Variants in BPTF observed in about 807,000 individuals in gnomAD.
BPTF encodes bromodomain PHD finger transcription factor, also known as nucleosome-remodeling factor subunit BPTF.
BPTF carries 18 observed loss-of-function variants against 292.5 expected under a neutral mutation model. That is an observed-to-expected ratio of 0.06 (90% CI 0.04 to 0.09). The LOEUF is 0.09. BPTF is among the 10% of genes least tolerant of loss of function. The pLI is 1.00. For synonymous variants in BPTF, 1,225 were observed against 1,251.9 expected (o/e 0.98, Z 0.45); for missense variants, 2,726 against 3,498.7 (o/e 0.78, Z 5.57).
intron 4 of BPTF, among the ~76,000 whole-genome samples, chr17:67,876,089 G>A (rs1400089798): frequency 6.6e-6 from 1 of 152,088 alleles, no homozygotes; most frequent in Non-Finnish European, 1.5e-5. Flanking sequence ...GACCTTTCCA[G>A]TTCTGTAGAT....
chr17:67,908,695 G>A (rs1443212953), intron 9 of BPTF, among the ~76,000 whole-genome samples: 3 of 149,362 alleles, frequency 2.0e-5, no homozygotes, highest in Non-Finnish European at 4.4e-5. Context: ...TCACCATGTT[G>A]GCTAGGCTGG....
intron 13 of BPTF, among the ~76,000 whole-genome samples, chr17:67,921,209 C>CAAAAA (rs60707445): frequency 2.0e-5 from 1 of 49,226 alleles, no homozygotes; most frequent in Admixed American, 2.8e-4. Context: ...GAATCCGTGT[C>CAAAAA]AAAAAAAAAA....
intron 4 of BPTF, among the ~76,000 whole-genome samples, chr17:67,879,387 G>A (rs947834231): frequency 2.0e-5 from 3 of 151,964 alleles, no homozygotes; most frequent in South Asian, 2.1e-4. Context: ...TGATCCACCC[G>A]CCTCAGCCTC....
At position 67,854,861 on chromosome 17, in the gene BPTF, C is replaced by A. The variant is rs561871540; in HGVS notation, c.1436+99C>A. The A allele has an allele frequency of 2.0e-5, 16 of 791,222 alleles. No homozygotes were observed. The East Asian group carries it at 2.4e-4, about 12-fold the overall frequency. 49.0% of individuals were successfully genotyped at this position (791,222 alleles called of 1,614,324 possible). ...AGCTATGCTGTTGATGTGGTATAAACCTTTGTAACTTAATAGTTATACAGT... is the reference window on the plus strand; with the variant it reads ...AGCTATGCTGTTGATGTGGTATAAAACTTTGTAACTTAATAGTTATACAGT... On this transcript the variant is annotated intron_variant, in intron 2 of 27. Coordinates refer to ENST00000306378, the MANE Select transcript of BPTF (RefSeq NM_182641.4). This position sits in a 1 kb window ranked among gnomAD's most constrained non-coding sequence, Gnocchi z 5.6.
chr17:67,919,956 C>T, intron 12 of BPTF, 59 bp from the exon 13 acceptor site: 1 of 1,522,300 alleles, frequency 6.6e-7, no homozygotes, highest in Non-Finnish European at 8.9e-7. Context: ...CCAGATGTAC[C>T]TTTTTAGTCT....
chr17:67,884,816 G>C (rs1328371660), intron 4 of BPTF, among the ~76,000 whole-genome samples: 1 of 151,400 alleles, frequency 6.6e-6, no homozygotes, highest in Non-Finnish European at 1.5e-5. Context: ...TTTTTTTAGT[G>C]TATTTTGGGC....
rs782512561 is a variant in BPTF, at chr17:67,940,528, G to A, written c.6349G>A (p.Gly2117Arg). The change falls in exon 19 of 28, where the codon GGG (glycine) becomes AGG (arginine). Residue 2117 changes from glycine (G) to arginine (R), a missense_variant. Gly to Arg is a moderately radical substitution (Grantham distance 125, BLOSUM62 -2). Transcript: ENST00000306378. ...SAPNTVSSTPGQKSLTSATST... is the reference protein window; with the variant it reads ...SAPNTVSSTPRQKSLTSATST... ...CCCTAACACGGTTTCCTCAACACCT[G>A]GGCAGAAAAGCTTAACTTCAGCAAC... 6.2e-7 allele frequency: 1 copy of A among 1,613,904 alleles called. No homozygotes were observed. Among genetic ancestry groups the A allele is most frequent in the Non-Finnish European group, 8.5e-7 (1 of 1,180,032 alleles).
intron 9 of BPTF, among the ~76,000 whole-genome samples, chr17:67,906,176 G>C (rs942663591): frequency 6.6e-6 from 1 of 152,046 alleles, no homozygotes; most frequent in Admixed American, 6.6e-5. Context: ...CGCCTCCTGG[G>C]TTCAAGCAGT....
chr17:67,930,152 G>A (rs2064251085), intron 17 of BPTF, among the ~76,000 whole-genome samples: 1 of 151,548 alleles, frequency 6.6e-6, no homozygotes, highest in African/African-American at 2.4e-5. Context: ...GTAATCTACA[G>A]TACTGTTAAC....
chr17:67,900,666 A>G (rs1211119665), intron 7 of BPTF, among the ~76,000 whole-genome samples: 4 of 152,110 alleles, frequency 2.6e-5, no homozygotes, highest in African/African-American at 9.7e-5. Flanking sequence ...TCCATCCTGG[A>G]GCAGGGGAGG....
At chr17:67,861,594 A>G (rs948999460) in intron 2 of BPTF, among the ~76,000 whole-genome samples, 5 of 152,044 alleles carry the variant, frequency 3.3e-5, no homozygotes, top group African/African-American at 1.2e-4. Context: ...GGGATTACAG[A>G]TGTGAGCCAC....
At chr17:67,946,928 C>G (rs2065852382) in intron 21 of BPTF, among the ~76,000 whole-genome samples, 1 of 152,156 alleles carries the variant, frequency 6.6e-6, no homozygotes, top group Non-Finnish European at 1.5e-5. Flanking sequence ...CTGGCAGAAA[C>G]CATCTTTTCA....
chr17:67,875,591 T>G (rs957634712), intron 4 of BPTF: 35 of 1,577,472 alleles, frequency 2.2e-5, no homozygotes, highest in Non-Finnish European at 2.8e-5. Context: ...TAACTCTGTG[T>G]CAGCAAATCT....
At chr17:67,972,738 T>G (rs1199504940) in intron 26 of BPTF, among the ~76,000 whole-genome samples, 1 of 152,054 alleles carries the variant, frequency 6.6e-6, no homozygotes, top group Non-Finnish European at 1.5e-5. Flanking sequence ...AAGGGATACC[T>G]AATTAACTTG....
At chr17:67,959,491 C>G in intron 23 of BPTF, 50 bp from the exon 24 acceptor site, 2 of 1,410,202 alleles carry the variant, frequency 1.4e-6, no homozygotes, top group Non-Finnish European at 1.9e-6. Flanking sequence ...CCAGATCACA[C>G]ATTTACATGA....
At chr17:67,910,077 C>T (rs1040108955) in intron 10 of BPTF, among the ~76,000 whole-genome samples, 2 of 152,194 alleles carry the variant, frequency 1.3e-5, no homozygotes, top group Non-Finnish European at 1.5e-5. Context: ...TTCTGTCTCT[C>T]TGGATTTGCC....
At chr17:67,945,312 C>T in intron 20 of BPTF, 97 bp from the exon 21 acceptor site, 1 of 1,524,098 alleles carries the variant, frequency 6.6e-7, no homozygotes, top group Non-Finnish European at 8.8e-7. Context: ...CACGCCTGGC[C>T]AGAATTCTCA....
intron 4 of BPTF, among the ~76,000 whole-genome samples, chr17:67,881,710 C>G (rs1013858994): frequency 1.3e-5 from 2 of 151,656 alleles, no homozygotes; most frequent in Non-Finnish European, 2.9e-5. Context: ...CACATGTTGG[C>G]CAGGCTGGTC....
At chr17:67,871,887 A>T (rs536502761) in intron 3 of BPTF, among the ~76,000 whole-genome samples, 1 of 152,148 alleles carries the variant, frequency 6.6e-6, no homozygotes, top group East Asian at 1.9e-4. Flanking sequence ...GTGCAGTGGC[A>T]TGATCTCGGC....
Sources: allele counts gnomAD v4.1 joint callset (sites outside exome capture counted in the v4.1 genomes callset), GRCh38; gene constraint gnomAD v4.1.1; non-coding constraint Gnocchi (gnomAD v3.1); transcripts MANE v1.5; gene names NCBI Gene and HGNC (gene_info 2026-07-23, HGNC 2026-07-21).